Variants in SMC5 observed in about 807,000 individuals in gnomAD.
SMC5 encodes structural maintenance of chromosomes 5.
Under a neutral mutation model 148.3 loss-of-function variants are expected in SMC5, and 88 were observed. The observed-to-expected ratio is 0.59, with a 90% confidence interval of 0.50 to 0.71. The LOEUF (loss-of-function observed/expected upper bound fraction) is 0.71. Among genes scored for constraint, SMC5 ranks in the 30% least tolerant of loss-of-function variants. The pLI is 0.00. For synonymous variants in SMC5, 421 were observed against 432.8 expected, an observed-to-expected ratio of 0.97 and a Z score of 0.34; for missense variants, 1,142 against 1,298.9, an observed-to-expected ratio of 0.88 and a Z score of 1.86.
intron 16 of SMC5, 39 bp from the exon 17 acceptor site, chr9:70,323,982 G>A (rs1313579590): frequency 1.1e-5 from 16 of 1,462,758 alleles, no homozygotes; most frequent in Non-Finnish European, 1.4e-5. Context: ...TAAAACATAG[G>A]TAACATAAAA....
intron 8 of SMC5, among the ~76,000 whole-genome samples, chr9:70,289,183 A>G (rs956542354): frequency 1.3e-5 from 2 of 152,030 alleles, no homozygotes; most frequent in African/African-American, 4.8e-5. Context: ...GACTACAGGC[A>G]TGCACCACCA....
In SMC5 at chr9:70,264,296, T is replaced by A. The variant is rs1326547351; in HGVS notation, c.186-8T>A. 1 of 1,606,928 alleles carries A rather than the reference T, an allele frequency of 6.2e-7. No individual in the cohort carries two copies. Among genetic ancestry groups the A allele is most frequent in the Non-Finnish European group, 8.5e-7 (1 of 1,176,396 alleles). Reference sequence around the variant, plus strand: ...TCTCCTTAATAATTTCATCTCTTTATAATTCAGAACATATGATATTTGTGA... The same window carrying A: ...TCTCCTTAATAATTTCATCTCTTTAAAATTCAGAACATATGATATTTGTGA... On this transcript the variant is annotated splice_polypyrimidine_tract_variant and splice_region_variant and intron_variant, in intron 1 of 24. Transcript: ENST00000361138.
At chr9:70,346,550 A>C (rs2036671204) in intron 18 of SMC5, 55 bp from the exon 19 acceptor site, 1 of 1,575,302 alleles carries the variant, frequency 6.3e-7, no homozygotes, top group African/African-American at 1.4e-5. Flanking sequence ...TAAAGTTCTA[A>C]CTTCTTGCTC....
At chr9:70,281,112 A>G (rs112259386) in intron 6 of SMC5, among the ~76,000 whole-genome samples, 2 of 150,620 alleles carry the variant, frequency 1.3e-5, no homozygotes, top group Non-Finnish European at 2.9e-5. Context: ...ATCTCGGCTC[A>G]CTGCAACCTC....
chr9:70,290,187 G>C (rs553758240), intron 8 of SMC5, among the ~76,000 whole-genome samples: 1 of 152,238 alleles, frequency 6.6e-6, no homozygotes, highest in South Asian at 2.1e-4. Context: ...TGATCGTGTT[G>C]CTTTTGTATT....
intron 5 of SMC5, 83 bp downstream of exon 5, chr9:70,278,708 A>C: frequency 7.4e-7 from 1 of 1,344,070 alleles, no homozygotes. Flanking sequence ...AGTAGTATTG[A>C]TTCATTGAGT....
chr9:70,264,481 A>G, intron 2 of SMC5, 36 bp downstream of exon 2: 1 of 1,606,540 alleles, frequency 6.2e-7, no homozygotes, highest in Non-Finnish European at 8.5e-7. Flanking sequence ...GAAATTTCAA[A>G]CCTATTAATT....
intron 11 of SMC5, among the ~76,000 whole-genome samples, chr9:70,312,650 A>G (rs1328403517): frequency 6.6e-6 from 1 of 152,166 alleles, no homozygotes; most frequent in African/African-American, 2.4e-5. Flanking sequence ...ATGGATGTCA[A>G]GTTTTTTCAG....
Position 70,325,348 on chromosome 9 carries a change from G to A in SMC5, c.2397+1205G>A, listed in dbSNP as rs145342605. 3.9e-3 allele frequency among the ~76,000 whole-genome samples: 601 copies of A among 152,220 alleles called. 3 individuals carry two copies. Among genetic ancestry groups the A allele is most frequent in the African/African-American group, 0.013 (554 of 41,514 alleles). On this transcript the variant is annotated intron_variant, in intron 17 of 24. Coordinates refer to ENST00000361138, the MANE Select transcript of SMC5 (RefSeq NM_015110.4). ...CCTGTGAACTCCAGAATACAAGTGC[G>A]TAAAATAAATCAGCAGCAGCATCAA...
At chr9:70,350,021 T>C (rs759366269) in intron 22 of SMC5, 93 bp from the exon 23 acceptor site, 3 of 812,404 alleles carry the variant, frequency 3.7e-6, no homozygotes, top group Non-Finnish European at 5.4e-6. Flanking sequence ...TTGAGTTCTT[T>C]ACTCTTACTC....
At chr9:70,295,499 A>T (rs1418145799) in intron 8 of SMC5, among the ~76,000 whole-genome samples, 8 of 150,940 alleles carry the variant, frequency 5.3e-5, no homozygotes. Flanking sequence ...AAGAAGAGGG[A>T]ACATTCAGAG....
chr9:70,304,305 C>G (rs1469814652), intron 10 of SMC5, among the ~76,000 whole-genome samples: 1 of 152,044 alleles, frequency 6.6e-6, no homozygotes, highest in Non-Finnish European at 1.5e-5. Context: ...TCTCAAACTT[C>G]TGGCTTCCAG....
At chr9:70,299,177 G>A (rs894583621) in intron 9 of SMC5, among the ~76,000 whole-genome samples, 6 of 151,700 alleles carry the variant, frequency 4.0e-5, no homozygotes, top group Admixed American at 6.6e-5. Context: ...TTTCAAGGCC[G>A]AAAACATTTA....
chr9:70,285,277 T>C (rs1285192005), intron 7 of SMC5, among the ~76,000 whole-genome samples: 2 of 152,154 alleles, frequency 1.3e-5, no homozygotes, highest in Non-Finnish European at 2.9e-5. Context: ...GGACAAAGTC[T>C]AGAAGAAACC....
chr9:70,280,559 A>G (rs1180129625), intron 5 of SMC5, among the ~76,000 whole-genome samples, 200 bp from the exon 6 acceptor site: 2 of 152,182 alleles, frequency 1.3e-5, no homozygotes, highest in Non-Finnish European at 2.9e-5. Flanking sequence ...TTGGGTATGA[A>G]TGTTGCTTTT....
intron 7 of SMC5, among the ~76,000 whole-genome samples, chr9:70,285,901 A>G (rs987547523): frequency 2.0e-5 from 3 of 152,194 alleles, no homozygotes; most frequent in Non-Finnish European, 4.4e-5. Flanking sequence ...CCTACCAGTC[A>G]GTAATATTTG....
intron 17 of SMC5, among the ~76,000 whole-genome samples, chr9:70,340,177 C>A (rs1165779973): frequency 6.6e-6 from 1 of 151,890 alleles, no homozygotes; most frequent in Admixed American, 6.6e-5. Flanking sequence ...AAAGTTGTTA[C>A]ATTTATTTGC....
intron 10 of SMC5, among the ~76,000 whole-genome samples, chr9:70,301,913 G>A (rs1462731078): frequency 6.6e-6 from 1 of 152,178 alleles, no homozygotes; most frequent in East Asian, 1.9e-4. Context: ...GATCATCACA[G>A]AGTGCTGCGT....
At chr9:70,306,210 A>G (rs1044281353) in intron 11 of SMC5, among the ~76,000 whole-genome samples, 3 of 152,142 alleles carry the variant, frequency 2.0e-5, no homozygotes, top group African/African-American at 7.2e-5. Flanking sequence ...TAAAAGCCTT[A>G]TAAGGAAAGG....
Sources: allele counts gnomAD v4.1 joint callset (sites outside exome capture counted in the v4.1 genomes callset), GRCh38; gene constraint gnomAD v4.1.1; transcripts MANE v1.5; gene names NCBI Gene and HGNC (gene_info 2026-07-23, HGNC 2026-07-21).